Variants in CRYM observed in about 807,000 individuals in gnomAD.
CRYM encodes the protein crystallin mu.
CRYM carries 18 observed loss-of-function variants against 32.9 expected under a neutral mutation model. That is an observed-to-expected ratio of 0.55 (90% CI 0.38 to 0.81). The LOEUF is 0.81. Among genes scored for constraint, CRYM ranks in the 30% least tolerant of loss-of-function variants. The pLI, the probability that CRYM is intolerant of heterozygous loss-of-function variation, is 0.00. For synonymous variants in CRYM, 153 were observed against 152.4 expected (o/e 1.00, Z -0.03); for missense variants, 337 against 393.5 (o/e 0.86, Z 1.21).
intron 4 of CRYM, 127 bp from the exon 5 acceptor site, chr16:21,267,864 C>A: frequency 1.2e-6 from 1 of 860,424 alleles, no homozygotes; most frequent in Non-Finnish European, 1.9e-6. Context: ...CTAAATCACT[C>A]CTAAATCATT....
intron 5 of CRYM, among the ~76,000 whole-genome samples, chr16:21,265,195 C>T (rs2152861691): frequency 6.6e-6 from 1 of 152,272 alleles, no homozygotes; most frequent in Non-Finnish European, 1.5e-5. Flanking sequence ...TTACCTCTTA[C>T]CCATTCCCTG....
chr16:21,280,739 C>A (rs1407257049), upstream of CRYM, among the ~76,000 whole-genome samples: 1 of 152,214 alleles, frequency 6.6e-6, no homozygotes, highest in Admixed American at 6.5e-5. Flanking sequence ...TTTTCTCCAG[C>A]AGCTAAACAA....
At chr16:21,285,055 G>A (rs2093405214) in intron 1 of CRYM, among the ~76,000 whole-genome samples, 1 of 151,968 alleles carries the variant, frequency 6.6e-6, no homozygotes, top group African/African-American at 2.4e-5. Flanking sequence ...TATATTTTTT[G>A]GTTACTCGTA....
At chr16:21,292,961 T>A (rs1960698111) in intron 1 of CRYM, among the ~76,000 whole-genome samples, 1 of 151,990 alleles carries the variant, frequency 6.6e-6, no homozygotes, top group African/African-American at 2.4e-5. Context: ...CATGGATGGA[T>A]GGATGGATGG....
chr16:21,298,896 C>A (rs1338815074), intron 1 of CRYM, among the ~76,000 whole-genome samples: 1 of 152,128 alleles, frequency 6.6e-6, no homozygotes. Flanking sequence ...TTTTTTCAAA[C>A]ATTTTTAATC....
intron 1 of CRYM, among the ~76,000 whole-genome samples, chr16:21,287,975 C>T (rs1346221877): frequency 6.6e-6 from 1 of 152,132 alleles, no homozygotes. Flanking sequence ...GTGTCTAAAG[C>T]GGGTGCAATC....
At chr16:21,281,400 C>G (rs2093397989), upstream of CRYM, among the ~76,000 whole-genome samples, 1 of 151,760 alleles carries the variant, frequency 6.6e-6, no homozygotes, top group Non-Finnish European at 1.5e-5. Flanking sequence ...AATTTTTGTA[C>G]TTTCAGTAGA....
chr16:21,288,885 A>G (rs1274320048), intron 1 of CRYM, among the ~76,000 whole-genome samples: 1 of 152,056 alleles, frequency 6.6e-6, no homozygotes, highest in Non-Finnish European at 1.5e-5. Context: ...ATTTACACAT[A>G]TTTGTGTATT....
intron 7 of CRYM, chr16:21,261,026 G>T: frequency 1.7e-6 from 1 of 602,884 alleles, no homozygotes; most frequent in Non-Finnish European, 3.0e-6. Flanking sequence ...CAGATCACTT[G>T]CCTAAGGACA....
intron 1 of CRYM, among the ~76,000 whole-genome samples, chr16:21,285,356 T>C (rs2093405655): frequency 6.6e-6 from 1 of 152,366 alleles, no homozygotes. Context: ...AGTATTTGCT[T>C]GGCTGTATCT....
chr16:21,275,446 C>G, intron 3 of CRYM, 86 bp downstream of exon 3: 1 of 1,227,182 alleles, frequency 8.1e-7, no homozygotes, highest in Non-Finnish European at 1.2e-6. Flanking sequence ...AATAAGTTCC[C>G]CACTTCTCCT....
chr16:21,268,259 T>C (rs1171712295), intron 4 of CRYM, among the ~76,000 whole-genome samples: 1 of 152,208 alleles, frequency 6.6e-6, no homozygotes, highest in Non-Finnish European at 1.5e-5. Context: ...TGAAGGATTA[T>C]TTATGATAAT....
chr16:21,279,137 A>C (rs76444038), upstream of CRYM, among the ~76,000 whole-genome samples: 62 of 152,308 alleles, frequency 4.1e-4, no homozygotes, highest in East Asian at 0.012. Context: ...GGTCTGAAAT[A>C]ATAATAGTGA....
chr16:21,261,447 TAAA>T (rs5816151), intron 6 of CRYM, 109 bp from the exon 7 acceptor site: 343 of 594,804 alleles, frequency 5.8e-4, no homozygotes, highest in Middle Eastern at 1.7e-3. Context: ...TAAATTTGAT[TAAA>T]AAAAAAAAAA....
chr16:21,281,255 T>C (rs1409289606), upstream of CRYM, among the ~76,000 whole-genome samples: 2 of 151,464 alleles, frequency 1.3e-5, no homozygotes, highest in African/African-American at 4.8e-5. Context: ...CATATATATA[T>C]ATATAAATTT....
intron 5 of CRYM, among the ~76,000 whole-genome samples, chr16:21,262,953 G>A (rs1256108387): frequency 1.3e-5 from 2 of 152,166 alleles, no homozygotes; most frequent in Non-Finnish European, 2.9e-5. Flanking sequence ...TCCCGAAACA[G>A]AGACATCACT....
At chr16:21,260,135 C>A (rs751498814) in intron 7 of CRYM, among the ~76,000 whole-genome samples, 10 of 152,104 alleles carry the variant, frequency 6.6e-5, no homozygotes, top group Non-Finnish European at 1.2e-4. Flanking sequence ...GTGGCCAGAG[C>A]GCTCCTGATG....
chr16:21,268,315 C>T (rs2093368255), intron 4 of CRYM, among the ~76,000 whole-genome samples: 1 of 152,162 alleles, frequency 6.6e-6, no homozygotes, highest in Non-Finnish European at 1.5e-5. Context: ...TTAGGAAATT[C>T]AAGATCAGAC....
upstream of CRYM, among the ~76,000 whole-genome samples, chr16:21,281,069 C>A (rs2093397073): frequency 6.6e-6 from 1 of 151,898 alleles, no homozygotes; most frequent in South Asian, 2.1e-4. Flanking sequence ...CGTGCCACTG[C>A]ACTCCAGCCT....
Sources: allele counts gnomAD v4.1 joint callset (sites outside exome capture counted in the v4.1 genomes callset), GRCh38; gene constraint gnomAD v4.1.1; transcripts MANE v1.5; gene names NCBI Gene and HGNC (gene_info 2026-07-23, HGNC 2026-07-21).